The following ZNF738 variants were observed in gnomAD, a reference collection of about 807,000 sequenced individuals.
ZNF738 encodes the protein protein ZNF738.
A neutral mutation model predicts 9.2 loss-of-function variants in ZNF738; 10 were observed. That is an observed-to-expected ratio of 1.09 (90% CI 0.67 to 1.85). The LOEUF is 1.85. Ranked by LOEUF, ZNF738 falls within the 40% of genes most tolerant of loss-of-function variation. ZNF738 has a pLI of 0.00. For missense variants in ZNF738, 346 were observed against 283.6 expected (o/e 1.22, Z -1.58); for synonymous variants, 113 against 94.5 (o/e 1.20, Z -1.14).
chr19:21,362,112 A>G (rs943445836), intron 2 of ZNF738, among the ~76,000 whole-genome samples: 24 of 149,002 alleles, frequency 1.6e-4, no homozygotes, highest in East Asian at 5.9e-4. Context: ...TAATAATAAT[A>G]ATAATAATAA....
At chr19:21,360,751 G>A (rs765694396) in intron 1 of ZNF738, among the ~76,000 whole-genome samples, 21 of 151,838 alleles carry the variant, frequency 1.4e-4, no homozygotes, top group Non-Finnish European at 2.1e-4. Context: ...ACCGGGCCTG[G>A]CCACTTATTT....
intron 2 of ZNF738, among the ~76,000 whole-genome samples, chr19:21,373,046 CA>C (rs1034407779): frequency 2.6e-5 from 4 of 152,084 alleles, no homozygotes; most frequent in African/African-American, 9.7e-5. Context: ...ATAATGAGCC[CA>C]AGGGGAGCAA....
intron 4 of ZNF738, chr19:21,378,186 T>G: frequency 5.5e-6 from 2 of 366,718 alleles, no homozygotes; most frequent in Non-Finnish European, 9.6e-6. Flanking sequence ...TTTATTAACA[T>G]GTTTATAATG....
chr19:21,375,228 TG>T lies in ZNF738; in HGVS notation c.97-9del. ...ACTTGTAAATATGTGTGTGTGTGTGTGTTTTTCAGGGGCCGTTGACATTTAG... is the reference window on the plus strand; with the variant it reads ...ACTTGTAAATATGTGTGTGTGTGTGTTTTTTCAGGGGCCGTTGACATTTAG... On this transcript the variant is annotated splice_polypyrimidine_tract_variant and intron_variant, in intron 2 of 4. Coordinates refer to ENST00000683779, the MANE Select transcript of ZNF738 (RefSeq NM_001355237.2). 9.0e-7 allele frequency: 1 copy of T among 1,112,010 alleles called. No individual in the cohort carries two copies. 68.9% of individuals were successfully genotyped at this position (1,112,010 alleles called of 1,614,324 possible). A position where few individuals can be genotyped will look rare whatever the true frequency, so the allele number is the denominator to read the frequency against.
At chr19:21,370,054 C>T (rs367906606) in intron 2 of ZNF738, among the ~76,000 whole-genome samples, 2 of 152,126 alleles carry the variant, frequency 1.3e-5, no homozygotes, top group East Asian at 1.9e-4. Context: ...CCTCATGATC[C>T]GCCAACCTCG....
chr19:21,366,286 C>T (rs1179403447), intron 2 of ZNF738, among the ~76,000 whole-genome samples: 1 of 152,170 alleles, frequency 6.6e-6, no homozygotes, highest in Non-Finnish European at 1.5e-5. Flanking sequence ...GGACTATAAC[C>T]TTCCTAAGTT....
intron 2 of ZNF738, 91 bp from the exon 3 acceptor site, chr19:21,375,147 A>G (rs1238878115): frequency 1.4e-5 from 10 of 696,564 alleles, no homozygotes; most frequent in African/African-American, 1.1e-4. Context: ...GTCAGAACCA[A>G]TTTTCTTTAC....
chr19:21,371,403 G>A (rs1022246445), intron 2 of ZNF738, among the ~76,000 whole-genome samples: 6 of 152,184 alleles, frequency 3.9e-5, no homozygotes, highest in Admixed American at 6.5e-5. Flanking sequence ...TTTCTGTCTC[G>A]TTGTAAGAGA....
chr19:21,388,275 T>C lies in ZNF738; in HGVS notation c.*4601T>C, dbSNP rs1329061409. On this transcript the variant is annotated 3_prime_UTR_variant, in exon 5 of 5. Coordinates refer to ENST00000683779, the MANE Select transcript of ZNF738 (RefSeq NM_001355237.2). ...GTAATTCAACACTCATTTTCTGGTG[T>C]TTCTTCATTCTTATTCACTTGTGAA... 2.0e-5 allele frequency among the ~76,000 whole-genome samples: 3 copies of C among 152,202 alleles called. No homozygotes were observed. Among genetic ancestry groups the C allele is most frequent in the African/African-American group, 7.2e-5 (3 of 41,464 alleles).
Position 21,386,442 on chromosome 19 carries a change from C to T in ZNF738, c.*2768C>T, listed in dbSNP as rs2145246901. ...AGAAATGTGAAGGATGTGGTAAAGCCGTTATCCAGTCCTCAACTCCCACTA... is the reference window on the plus strand; with the variant it reads ...AGAAATGTGAAGGATGTGGTAAAGCTGTTATCCAGTCCTCAACTCCCACTA... On this transcript the variant is annotated 3_prime_UTR_variant, in exon 5 of 5. Transcript: ENST00000683779. 9.8e-6 allele frequency: 3 copies of T among 305,896 alleles called. No homozygotes were observed. The highest frequency in any genetic ancestry group is 2.0e-5 in the Non-Finnish European group (3 of 147,588). 18.9% of individuals were successfully genotyped at this position (305,896 alleles called of 1,614,324 possible).
chr19:21,385,761 AC>A lies in ZNF738; in HGVS notation c.*2090del, dbSNP rs2145246342. ...ATAAGGTAATTCATGCTGGAGAGAT[AC>A]CCTACAAATGTGAAGAATGTGGCAA... is the stretch of plus-strand genomic sequence containing the variant. On this transcript the variant is annotated 3_prime_UTR_variant, in exon 5 of 5. Coordinates refer to ENST00000683779, the MANE Select transcript of ZNF738 (RefSeq NM_001355237.2). 6.6e-6 allele frequency among the ~76,000 whole-genome samples: 1 copy of A among 152,262 alleles called. No individual in the cohort carries two copies. Among genetic ancestry groups the A allele is most frequent in the South Asian group, 2.1e-4 (1 of 4,822 alleles).
At chr19:21,382,066 C>CTTTTTTTTTTTTTTTTT (rs139193236) in intron 4 of ZNF738, 3 of 114,602 alleles carry the variant, frequency 2.6e-5, no homozygotes, top group African/African-American at 6.9e-5. Context: ...TTCTTTCTTT[C>CTTTTTTTTTTTTTTTTT]TTTTTTTTTT....
Position 21,383,517 on chromosome 19 carries a change from C to T in ZNF738, c.971C>T (p.Ala324Val). 1 of 910,944 alleles carries T rather than the reference C, an allele frequency of 1.1e-6. No individual in the cohort carries two copies. The highest frequency in any genetic ancestry group is 1.3e-5 in the South Asian group (1 of 77,180). The allele number at this position is 910,944 out of a possible 1,614,324, so 56.4% of individuals were successfully genotyped here. The change falls in exon 5 of 5, where the codon GCT (alanine) becomes GTT (valine). Residue 324 changes from alanine to valine, a missense_variant. Coordinates refer to ENST00000683779, the MANE Select transcript of ZNF738 (RefSeq NM_001355237.2). ...TACAAATGTGAAGGATGTGGCAAAG[C>T]TTTCTGCCAATTCTCATACCTTACT... Reference protein sequence around the residue: ...KPYKCEGCGKAFCQFSYLTKH... With the variant: ...KPYKCEGCGKVFCQFSYLTKH...
In ZNF738 at chr19:21,382,630, T is replaced by C. The variant is rs569531698; in HGVS notation, c.320-236T>C. ...ACTTTTTTTTCTTCTGTGTGACTTT[T>C]TGCATTGTGCTCACTTGGGGTACTT... On this transcript the variant is annotated intron_variant, in intron 4 of 4. Coordinates refer to ENST00000683779, the MANE Select transcript of ZNF738 (RefSeq NM_001355237.2). Among the ~76,000 whole-genome samples the C allele has an allele frequency of 6.6e-5, 10 of 152,208 alleles. No homozygotes were observed. In the South Asian group the frequency reaches 2.1e-3, roughly 32 times the overall value.
At chr19:21,378,096 G>A (rs1280148064) in intron 4 of ZNF738, 1 of 396,844 alleles carries the variant, frequency 2.5e-6, no homozygotes, top group Non-Finnish European at 4.4e-6. Context: ...ATGAACTTTT[G>A]TTGCATGCAA....
rs1973958215 is a variant in ZNF738, at chr19:21,378,173, A to T, written c.319+2209A>T. The T allele has an allele frequency of 8.0e-6, 3 of 373,274 alleles. No individual in the cohort carries two copies. The East Asian group carries it at 1.1e-4, about 14-fold the overall frequency. The allele number at this position is 373,274 out of a possible 1,614,324, so 23.1% of individuals were successfully genotyped here. On this transcript the variant is annotated intron_variant, in intron 4 of 4. Coordinates refer to ENST00000683779, the MANE Select transcript of ZNF738 (RefSeq NM_001355237.2). The stretch of plus-strand genomic sequence containing the variant: ...TGTTGCTAATTATATTTTTATATGT[A>T]TATTTATTAACATGTTTATAATGAT...
At chr19:21,372,765 A>G (rs1221721123) in intron 2 of ZNF738, 3 of 152,204 alleles carry the variant, frequency 2.0e-5, no homozygotes, top group African/African-American at 7.2e-5. Context: ...ATAATGTGTT[A>G]TTCCCAGCAC....
chr19:21,380,954 T>A (rs1256561964), intron 4 of ZNF738, among the ~76,000 whole-genome samples: 2 of 152,198 alleles, frequency 1.3e-5, no homozygotes, highest in African/African-American at 4.8e-5. Flanking sequence ...GGAAGGCAAC[T>A]TTAATGAAAC....
At chr19:21,364,899 C>A (rs190908354) in intron 2 of ZNF738, among the ~76,000 whole-genome samples, 1 of 144,026 alleles carries the variant, frequency 6.9e-6, no homozygotes, top group African/African-American at 2.6e-5. Flanking sequence ...GCATCCACCA[C>A]CATACCCAGC....
Sources: gnomAD v4.1 joint callset for allele counts (sites outside exome capture counted in the v4.1 genomes callset) on GRCh38, gnomAD v4.1.1 for gene constraint, MANE v1.5 for transcripts, NCBI Gene and HGNC (gene_info 2026-07-23, HGNC 2026-07-21) for gene names.